Variants in IL1RAPL2 observed in about 807,000 individuals in gnomAD.
IL1RAPL2 encodes the protein X-linked interleukin-1 receptor accessory protein-like 2.
A neutral mutation model predicts 44.1 loss-of-function variants in IL1RAPL2; 3 were observed. The observed-to-expected ratio is 0.07, with a 90% confidence interval of 0.03 to 0.18. The LOEUF (loss-of-function observed/expected upper bound fraction) is 0.18, where lower values mean the gene tolerates loss of function less well. Ranked by LOEUF, IL1RAPL2 falls within the 10% of genes least tolerant of loss-of-function variation. The pLI is 1.00. For missense variants in IL1RAPL2, 391 were observed against 496.4 expected (o/e 0.79, Z 2.02); for synonymous variants, 181 against 178.8 (o/e 1.01, Z -0.10).
intron 2 of IL1RAPL2, among the ~76,000 whole-genome samples, chrX:104,919,523 C>CTT (rs10666066): frequency 0.41 from 34,464 of 84,410 alleles, 6,992 homozygotes; most frequent in Middle Eastern, 0.59. Flanking sequence ...CCACGCCTGG[C>CTT]TTTTTTTTTT....
chrX:105,363,951 A>T (rs2035273330), intron 5 of IL1RAPL2, among the ~76,000 whole-genome samples: 1 of 111,571 alleles, frequency 9.0e-6, no homozygotes, highest in South Asian at 3.7e-4. Context: ...GTTTGATGCA[A>T]TCTAATATAT....
At chrX:105,273,670 T>C (rs2034464220) in intron 5 of IL1RAPL2, among the ~76,000 whole-genome samples, 2 of 112,049 alleles carry the variant, frequency 1.8e-5, no homozygotes, top group Admixed American at 1.9e-4. Flanking sequence ...TATGCCTACA[T>C]GGCTGTCCAT....
intron 8 of IL1RAPL2, among the ~76,000 whole-genome samples, chrX:105,747,747 A>C (rs908423043): frequency 8.3e-5 from 9 of 108,613 alleles, no homozygotes; most frequent in Non-Finnish European, 1.9e-5. Context: ...CAGCAATTTG[A>C]TTTTGACAGT....
Position 105,690,135 on chromosome X carries a change from T to C in IL1RAPL2, c.773-27232T>C, listed in dbSNP as rs112816967. Among the ~76,000 whole-genome samples, 756 of 110,583 alleles carry C rather than the reference T, an allele frequency of 6.8e-3. 6 individuals are homozygous for C. The highest frequency in any genetic ancestry group is 0.023 in the African/African-American group (710 of 30,380). On this transcript the variant is annotated intron_variant, in intron 6 of 10. Transcript: ENST00000372582. ...CTAATGCAAATGATGAGTCGATAGG[T>C]GCAGCAAACCAACATGGCACATGTA... is the stretch of plus-strand genomic sequence containing the variant.
intron 2 of IL1RAPL2, among the ~76,000 whole-genome samples, chrX:104,964,611 G>A (rs1471142471): frequency 3.6e-5 from 4 of 110,012 alleles, no homozygotes; most frequent in South Asian, 7.8e-4. Flanking sequence ...GTGCCCAGCC[G>A]ATTTATTTCT....
In IL1RAPL2 at chrX:104,896,542, G is replaced by A. The variant is rs547836955; in HGVS notation, c.82+237547G>A. Reference sequence around the variant, plus strand: ...TCTGGGTTGGGTGGAGACTTGGAGAGCTTTTCTGTCTAGCTAAAGGATTTT... The same window carrying A: ...TCTGGGTTGGGTGGAGACTTGGAGAACTTTTCTGTCTAGCTAAAGGATTTT... On this transcript the variant is annotated intron_variant, in intron 2 of 10. Coordinates refer to ENST00000372582, the MANE Select transcript of IL1RAPL2 (RefSeq NM_017416.2). 1.5e-3 allele frequency among the ~76,000 whole-genome samples: 162 copies of A among 111,612 alleles called. 1 individual carries two copies. The highest frequency in any genetic ancestry group is 4.9e-3 in the African/African-American group (150 of 30,714).
intron 2 of IL1RAPL2, among the ~76,000 whole-genome samples, chrX:104,949,353 T>A (rs1255383602): frequency 9.0e-6 from 1 of 111,445 alleles, no homozygotes; most frequent in Non-Finnish European, 1.9e-5. Flanking sequence ...ATTTTGTTGA[T>A]CCTTTCAAAA....
At chrX:105,356,026 C>G (rs1052220180) in intron 5 of IL1RAPL2, among the ~76,000 whole-genome samples, 4 of 111,076 alleles carry the variant, frequency 3.6e-5, no homozygotes, top group East Asian at 5.6e-4. Flanking sequence ...GGGAAATACT[C>G]TATGGTTTCA....
At chrX:104,970,624 T>C (rs1427975918) in intron 2 of IL1RAPL2, among the ~76,000 whole-genome samples, 1 of 112,306 alleles carries the variant, frequency 8.9e-6, no homozygotes, top group Non-Finnish European at 1.9e-5. Flanking sequence ...GCCATGGTAA[T>C]GGTAAACTGA....
intron 2 of IL1RAPL2, among the ~76,000 whole-genome samples, chrX:104,854,272 A>C (rs1539615): frequency 0.43 from 47,674 of 109,788 alleles, 7,506 homozygotes; most frequent in East Asian, 0.46. Flanking sequence ...GGTCATCCAG[A>C]AACCCTGATT....
intron 5 of IL1RAPL2, among the ~76,000 whole-genome samples, chrX:105,364,326 T>C (rs909489039): frequency 8.9e-6 from 1 of 111,833 alleles, no homozygotes; most frequent in Non-Finnish European, 1.9e-5. Context: ...ACAATAGCTT[T>C]ATAGTATATT....
chrX:105,301,178 G>A (rs970608261), intron 5 of IL1RAPL2, among the ~76,000 whole-genome samples: 1 of 111,849 alleles, frequency 8.9e-6, no homozygotes, highest in Admixed American at 9.5e-5. Flanking sequence ...AAATAAGTTT[G>A]AGTCTTATTA....
intron 5 of IL1RAPL2, among the ~76,000 whole-genome samples, chrX:105,349,628 G>T (rs184690322): frequency 3.6e-4 from 40 of 111,767 alleles, no homozygotes; most frequent in Admixed American, 9.5e-4. Context: ...TTTAAAAAGA[G>T]CTATTTTCTC....
chrX:104,858,442 A>G (rs144146730), intron 2 of IL1RAPL2, among the ~76,000 whole-genome samples: 2,094 of 112,014 alleles, frequency 0.019, 49 homozygotes, highest in African/African-American at 0.063. Context: ...TAATTTTCTT[A>G]GAGAATCATA....
rs192131383 is a variant in IL1RAPL2 at position 104,821,952 on chromosome X, T to C, written c.82+162957T>C. On this transcript the variant is annotated intron_variant, in intron 2 of 10. Coordinates refer to ENST00000372582, the MANE Select transcript of IL1RAPL2 (RefSeq NM_017416.2). ...GATCACCATTCTATCTCGCGTGAGA[T>C]GGTATCTCATTGTGGCTTTGATTTG... Among the ~76,000 whole-genome samples the C allele has an allele frequency of 2.5e-3, 276 of 112,541 alleles. 1 individual carries two copies. The highest frequency in any genetic ancestry group is 4.6e-3 in the Middle Eastern group (1 of 217).
At chrX:105,329,395 C>T (rs1250676352) in intron 5 of IL1RAPL2, among the ~76,000 whole-genome samples, 1 of 111,736 alleles carries the variant, frequency 8.9e-6, no homozygotes, top group Non-Finnish European at 1.9e-5. Flanking sequence ...TCTTTTGGGC[C>T]TGAATTTGTA....
chrX:105,430,752 A>G (rs1392589020), intron 5 of IL1RAPL2, among the ~76,000 whole-genome samples: 1 of 111,791 alleles, frequency 8.9e-6, no homozygotes, highest in African/African-American at 3.2e-5. Context: ...TTACCTAACT[A>G]AAGGGCATTT....
intron 5 of IL1RAPL2, among the ~76,000 whole-genome samples, chrX:105,320,480 G>T (rs1023006897): frequency 2.7e-5 from 3 of 111,676 alleles, no homozygotes; most frequent in African/African-American, 9.8e-5. Context: ...GAAAAGTGGG[G>T]CCTGCCTGCC....
intron 6 of IL1RAPL2, among the ~76,000 whole-genome samples, chrX:105,664,811 G>A (rs1321920204): frequency 9.0e-6 from 1 of 111,597 alleles, no homozygotes; most frequent in Non-Finnish European, 1.9e-5. Flanking sequence ...AATCTGGAAG[G>A]ATCACACCAT....
Sources: gnomAD v4.1 joint callset for allele counts (sites outside exome capture counted in the v4.1 genomes callset) on GRCh38, gnomAD v4.1.1 for gene constraint, MANE v1.5 for transcripts, NCBI Gene and HGNC (gene_info 2026-07-23, HGNC 2026-07-21) for gene names.